Variants in CPA4 observed in about 807,000 individuals in gnomAD.
CPA4 encodes carboxypeptidase A3.
A neutral mutation model predicts 54.7 loss-of-function variants in CPA4; 49 were observed. That is an observed-to-expected ratio of 0.90 (90% CI 0.71 to 1.14). The LOEUF (loss-of-function observed/expected upper bound fraction) is 1.14. Ranked by LOEUF, CPA4 falls within the 50% of genes most tolerant of loss-of-function variation. CPA4 has a pLI of 0.00. For synonymous variants in CPA4, 215 were observed against 206.8 expected, an observed-to-expected ratio of 1.04 and a Z score of -0.34; for missense variants, 487 against 525.1, an observed-to-expected ratio of 0.93 and a Z score of 0.71.
At chr7:130,309,760 GTTGT>G (rs1009824830) in intron 8 of CPA4, among the ~76,000 whole-genome samples, 9 of 152,152 alleles carry the variant, frequency 5.9e-5, no homozygotes, top group South Asian at 2.1e-4. Context: ...GTACTGATGG[GTTGT>G]TTGTTTGTTT....
chr7:130,308,008 T>C (rs962962287), intron 7 of CPA4: 12 of 397,788 alleles, frequency 3.0e-5, no homozygotes, highest in African/African-American at 2.0e-4. Flanking sequence ...TAGTGTCCAT[T>C]TGCCCACTTC....
intron 7 of CPA4, 190 bp from the exon 8 acceptor site, chr7:130,308,115 TAG>T: frequency 1.7e-6 from 1 of 601,768 alleles, no homozygotes; most frequent in Non-Finnish European, 3.0e-6. Context: ...GTCCTTCTCT[TAG>T]AGCCGGAAGG....
In CPA4 at chr7:130,310,015, C is replaced by T. The variant is rs1220599767; in HGVS notation, c.794-772C>T. The stretch of plus-strand genomic sequence containing the variant: ...CTTCTGGGCTTAAGTGATCCTTCCA[C>T]CTCAGCCTCTCAAAGTGCTGGGATT... On this transcript the variant is annotated intron_variant, in intron 8 of 10. Transcript: ENST00000222482. This position sits in a 1 kb window ranked among gnomAD's most constrained non-coding sequence, Gnocchi z 4.3. 4.6e-5 allele frequency among the ~76,000 whole-genome samples: 7 copies of T among 152,326 alleles called. No individual in the cohort carries two copies. In the East Asian group the frequency reaches 7.7e-4, roughly 17 times the overall value.
In CPA4 at chr7:130,305,729, TA is replaced by T. The variant is rs1793808451; in HGVS notation, c.487-84del. 4.2e-6 allele frequency: 4 copies of T among 950,414 alleles called. No homozygotes were observed. In the East Asian group the frequency reaches 9.8e-5, roughly 23 times the overall value. 58.9% of individuals were successfully genotyped at this position (950,414 alleles called of 1,614,324 possible). On this transcript the variant is annotated intron_variant, in intron 5 of 10. Coordinates refer to ENST00000222482, the MANE Select transcript of CPA4 (RefSeq NM_016352.4). ...GATCTCTGAATTATCTTAAATGAAT[TA>T]AATGAATGGGAGAGAGCTGGAGAGA...
Position 130,308,850 on chromosome 7 carries a change from C to CTTTTTTTTTTTTTTTT in CPA4, c.793+468_793+469insTTTTTTTTTTTTTTTT, listed in dbSNP as rs1249548992. Reference sequence around the variant, plus strand: ...ATAGCCGTAAGCCACCTAGCCCAGCCTTTTTTTTTTTTTTTGAGACAGAGT... The same window carrying CTTTTTTTTTTTTTTTT: ...ATAGCCGTAAGCCACCTAGCCCAGCCTTTTTTTTTTTTTTTTTTTTTTTTTTTTTTTGAGACAGAGT... On this transcript the variant is annotated intron_variant, in intron 8 of 10. Coordinates refer to ENST00000222482, the MANE Select transcript of CPA4 (RefSeq NM_016352.4). Among the ~76,000 whole-genome samples, 251 of 120,244 alleles carry CTTTTTTTTTTTTTTTT rather than the reference C, an allele frequency of 2.1e-3. 18 individuals carry two copies. Among genetic ancestry groups the CTTTTTTTTTTTTTTTT allele is most frequent in the African/African-American group, 8.4e-3 (235 of 28,056 alleles). The allele number at this position is 120,244 out of a possible 152,430, so 78.9% of individuals were successfully genotyped here. A position where few individuals can be genotyped will look rare whatever the true frequency, so the allele number is the denominator to read the frequency against.
rs767342034 is a variant in CPA4 at position 130,312,035 on chromosome 7, C to T, written c.994-3C>T. 1.9e-6 allele frequency: 3 copies of T among 1,613,666 alleles called. No homozygotes were observed. In the South Asian group the frequency reaches 3.3e-5, roughly 18 times the overall value. On this transcript the variant is annotated splice_region_variant and splice_polypyrimidine_tract_variant and intron_variant, in intron 9 of 10. Transcript: ENST00000222482. Reference sequence around the variant, plus strand: ...TCTCACTCCACGGATTCCCCCTTCCCAGGACAAGGTGGCGAGGCTTGCGGC... The same window carrying T: ...TCTCACTCCACGGATTCCCCCTTCCTAGGACAAGGTGGCGAGGCTTGCGGC...
At chr7:130,301,042 A>G (rs1222700713) in intron 4 of CPA4, 128 bp downstream of exon 4, 1 of 638,250 alleles carries the variant, frequency 1.6e-6, no homozygotes, top group South Asian at 2.0e-5. Context: ...AAATGTGTAC[A>G]CTTCAATTCC....
intron 1 of CPA4, among the ~76,000 whole-genome samples, chr7:130,295,390 T>C (rs1793633074): frequency 6.6e-6 from 1 of 152,144 alleles, no homozygotes; most frequent in South Asian, 2.1e-4. Context: ...GAGGATCAAG[T>C]TAAGAGGAGC....
chr7:130,322,221 G>C (rs1249563707), intron 10 of CPA4, among the ~76,000 whole-genome samples: 1 of 152,158 alleles, frequency 6.6e-6, no homozygotes, highest in Non-Finnish European at 1.5e-5. Flanking sequence ...GATTGGTTTT[G>C]AGGGACTTAC....
chr7:130,299,194 T>C, intron 2 of CPA4, 76 bp from the exon 3 acceptor site: 1 of 1,451,048 alleles, frequency 6.9e-7, no homozygotes, highest in Non-Finnish European at 9.7e-7. Context: ...CTTTTGGCAG[T>C]GTTCTAGAAG....
At chr7:130,319,667 A>C (rs950625153) in intron 10 of CPA4, among the ~76,000 whole-genome samples, 2 of 152,170 alleles carry the variant, frequency 1.3e-5, no homozygotes, top group East Asian at 3.9e-4. Context: ...TGGGAGGCAG[A>C]TATTACAGGA....
rs558258355 is a variant in CPA4, at chr7:130,312,098, G to A, written c.1054G>A (p.Val352Met). 1.2e-6 allele frequency: 2 copies of A among 1,614,000 alleles called. No individual in the cohort carries two copies. The highest frequency in any genetic ancestry group is 1.3e-5 in the African/African-American group (1 of 75,052). ...LASVSGTEYQ[V>M]GPTCTTVYPA... The stretch of plus-strand genomic sequence containing the variant: ...TTCTGTGTCGGGCACTGAGTACCAA[G>A]TGGGTCCCACCTGCACCACTGTCTG... Residue 352 changes from valine (V) to methionine (M), a missense_variant, in exon 10 of 11, where the codon GTG becomes ATG. Physicochemically the swap from Val to Met is conservative, Grantham distance 21. Coordinates refer to ENST00000222482, the MANE Select transcript of CPA4 (RefSeq NM_016352.4).
intron 10 of CPA4, among the ~76,000 whole-genome samples, chr7:130,312,829 G>A (rs760956880): frequency 4.6e-5 from 7 of 152,086 alleles, no homozygotes; most frequent in Admixed American, 1.3e-4. Flanking sequence ...GGCTCAGAAT[G>A]TTTCTGTGTG....
intron 10 of CPA4, among the ~76,000 whole-genome samples, chr7:130,318,328 G>A (rs1026577637): frequency 4.6e-5 from 7 of 152,104 alleles, no homozygotes; most frequent in African/African-American, 1.7e-4. Context: ...TGCCAAAACT[G>A]GGAGATACTC....
chr7:130,301,413 C>T lies in CPA4; in HGVS notation c.384+499C>T, dbSNP rs933624247. Reference sequence around the variant, plus strand: ...GAAACCACTTGATATAGATGGCTGACTTTCAAGGTAAGCCAAACCTTCAAA... The same window carrying T: ...GAAACCACTTGATATAGATGGCTGATTTTCAAGGTAAGCCAAACCTTCAAA... On this transcript the variant is annotated intron_variant, in intron 4 of 10. Transcript: ENST00000222482. Among the ~76,000 whole-genome samples, 12 of 152,304 alleles carry T rather than the reference C, an allele frequency of 7.9e-5. No homozygotes were observed. The South Asian group carries it at 2.3e-3, about 29-fold the overall frequency.
intron 8 of CPA4, among the ~76,000 whole-genome samples, chr7:130,308,849 C>A (rs1258131716): frequency 7.5e-6 from 1 of 132,518 alleles, no homozygotes; most frequent in East Asian, 2.1e-4. Flanking sequence ...CCTAGCCCAG[C>A]CTTTTTTTTT....
At position 130,310,985 on chromosome 7, in the gene CPA4, T is replaced by C. The variant is rs375754048; in HGVS notation, c.992T>C (p.Leu331Pro). 8.1e-6 allele frequency: 13 copies of C among 1,613,188 alleles called. No individual in the cohort carries two copies. In the East Asian group the frequency reaches 2.7e-4, roughly 33 times the overall value. ...SVKKAPDAEE[L>P]DKVARLAAKA... is the part of the protein sequence containing the mutation. ...AAAAAGGCCCCAGATGCCGAGGAAC[T>C]CGTGAGTCACAGCTGCCTCCCACCC... The change falls in exon 9 of 11, where the codon CTC becomes CCC. Residue 331 changes from leucine to proline, a missense_variant and splice_region_variant. Transcript: ENST00000222482. This position sits in a 1 kb window ranked among gnomAD's most constrained non-coding sequence, Gnocchi z 4.3.
At chr7:130,305,248 C>A (rs1292826927) in intron 5 of CPA4, among the ~76,000 whole-genome samples, 1 of 152,182 alleles carries the variant, frequency 6.6e-6, no homozygotes, top group Non-Finnish European at 1.5e-5. Context: ...GGAGAGGAGA[C>A]CTGCCACGGA....
At chr7:130,299,682 C>T in intron 3 of CPA4, 1 of 358,890 alleles carries the variant, frequency 2.8e-6, no homozygotes. Context: ...AAGTTATTAA[C>T]CCGCTGAGCC....
Sources: gnomAD v4.1 joint callset for allele counts (sites outside exome capture counted in the v4.1 genomes callset) on GRCh38, gnomAD v4.1.1 for gene constraint, Gnocchi (gnomAD v3.1) non-coding constraint, MANE v1.5 for transcripts, NCBI Gene and HGNC (gene_info 2026-07-23, HGNC 2026-07-21) for gene names.